SGCZ: variants seen among roughly 807,000 people sequenced by gnomAD.
The protein encoded by SGCZ is zeta-sarcoglycan.
In SGCZ, 40 loss-of-function variants were observed where a neutral mutation model predicts 41.3. The observed-to-expected ratio is 0.97, with a 90% CI of 0.75 to 1.26. SGCZ has a LOEUF of 1.26. SGCZ is among the 50% of genes most tolerant of loss of function. The pLI is 0.00. For missense variants in SGCZ, 552 were observed against 369.8 expected (o/e 1.49, Z -4.04); for synonymous variants, 206 against 137.5 (o/e 1.50, Z -3.49).
intron 7 of SGCZ, among the ~76,000 whole-genome samples, chr8:14,101,376 G>C (rs6530723): frequency 2.0e-5 from 3 of 148,190 alleles, no homozygotes; most frequent in Non-Finnish European, 4.6e-5. Context: ...AAAAGACCAT[G>C]GAAAATTGGG....
intron 2 of SGCZ, among the ~76,000 whole-genome samples, chr8:14,396,928 G>A (rs553054316): frequency 1.3e-5 from 2 of 152,034 alleles, no homozygotes; most frequent in Non-Finnish European, 2.9e-5. Flanking sequence ...TTTAACCAAT[G>A]GAAATGTGCT....
At chr8:14,916,376 T>C (rs2130784475) in intron 1 of SGCZ, among the ~76,000 whole-genome samples, 1 of 152,206 alleles carries the variant, frequency 6.6e-6, no homozygotes, top group East Asian at 1.9e-4. Flanking sequence ...TACAAAGAAA[T>C]ATTTACCACA....
At chr8:14,278,373 G>A (rs546600383) in intron 3 of SGCZ, among the ~76,000 whole-genome samples, 1 of 152,118 alleles carries the variant, frequency 6.6e-6, no homozygotes, top group Non-Finnish European at 1.5e-5. Flanking sequence ...TTAAAACCGT[G>A]TATAGTCACA....
intron 1 of SGCZ, among the ~76,000 whole-genome samples, chr8:14,996,537 G>A (rs758232231): frequency 1.3e-5 from 2 of 152,188 alleles, no homozygotes; most frequent in Non-Finnish European, 2.9e-5. Context: ...AAGTAGCTGG[G>A]AGTACAGGTG....
chr8:14,185,500 A>AT (rs201805936), intron 4 of SGCZ, among the ~76,000 whole-genome samples: 215 of 151,996 alleles, frequency 1.4e-3, no homozygotes, highest in African/African-American at 4.7e-3. Flanking sequence ...CATATACTTT[A>AT]TTTTTTTTCA....
intron 1 of SGCZ, among the ~76,000 whole-genome samples, chr8:15,080,814 G>A (rs370642160): frequency 1.1e-4 from 17 of 151,848 alleles, no homozygotes; most frequent in Non-Finnish European, 2.2e-4. Context: ...GGCTGGTCTC[G>A]ACCTCTTGAT....
chr8:14,479,694 CT>C, intron 2 of SGCZ, among the ~76,000 whole-genome samples: 1 of 143,764 alleles, frequency 7.0e-6, no homozygotes, highest in East Asian at 2.0e-4. Context: ...TAACAACTTT[CT>C]TTACCCCCAG....
At chr8:14,544,669 G>C (rs921934473) in intron 2 of SGCZ, among the ~76,000 whole-genome samples, 3 of 152,078 alleles carry the variant, frequency 2.0e-5, no homozygotes, top group Non-Finnish European at 4.4e-5. Context: ...GCTTACTAGG[G>C]TGGGGAAAAC....
intron 1 of SGCZ, among the ~76,000 whole-genome samples, chr8:15,086,816 G>T (rs1336527270): frequency 6.6e-6 from 1 of 151,886 alleles, no homozygotes; most frequent in Non-Finnish European, 1.5e-5. Flanking sequence ...TTGTCTTTCT[G>T]GAGTAATCTT....
At chr8:14,792,075 G>C (rs1399216312) in intron 1 of SGCZ, among the ~76,000 whole-genome samples, 5 of 152,180 alleles carry the variant, frequency 3.3e-5, no homozygotes, top group Non-Finnish European at 5.9e-5. Context: ...AGGAAACACT[G>C]CATTAAGCCA....
intron 2 of SGCZ, among the ~76,000 whole-genome samples, chr8:14,460,628 T>C (rs1302205558): frequency 1.3e-5 from 2 of 152,094 alleles, no homozygotes; most frequent in Non-Finnish European, 2.9e-5. Context: ...AATCACCAAC[T>C]GAGAAATACC....
chr8:14,116,207 A>C (rs979610735), intron 5 of SGCZ, among the ~76,000 whole-genome samples: 59 of 152,238 alleles, frequency 3.9e-4, no homozygotes, highest in African/African-American at 1.3e-3. Flanking sequence ...TCTGAAAAAC[A>C]AAATATTGTA....
intron 1 of SGCZ, among the ~76,000 whole-genome samples, chr8:15,024,679 G>A (rs964796321): frequency 1.6e-4 from 25 of 152,126 alleles, no homozygotes; most frequent in Admixed American, 5.2e-4. Flanking sequence ...GCTCAAGCCT[G>A]TAATCCCAGC....
chr8:14,941,459 A>T (rs972312134), intron 1 of SGCZ, among the ~76,000 whole-genome samples: 2 of 152,132 alleles, frequency 1.3e-5, no homozygotes, highest in African/African-American at 4.8e-5. Flanking sequence ...AATTAACAGG[A>T]AAATAAATAC....
chr8:14,473,890 A>T (rs1801282934), intron 2 of SGCZ, among the ~76,000 whole-genome samples: 1 of 151,404 alleles, frequency 6.6e-6, no homozygotes, highest in African/African-American at 2.4e-5. Flanking sequence ...GTGAGCCAAG[A>T]TCACACCACT....
At chr8:14,918,387 G>A (rs1208604490) in intron 1 of SGCZ, among the ~76,000 whole-genome samples, 1 of 151,768 alleles carries the variant, frequency 6.6e-6, no homozygotes, top group Non-Finnish European at 1.5e-5. Context: ...ACTTTCTGGG[G>A]TAATTTTCTC....
chr8:15,069,958 A>C (rs1298178279), intron 1 of SGCZ, among the ~76,000 whole-genome samples: 1 of 149,096 alleles, frequency 6.7e-6, no homozygotes, highest in African/African-American at 2.5e-5. Context: ...ACACACACAC[A>C]CAAACCTGCA....
intron 1 of SGCZ, among the ~76,000 whole-genome samples, chr8:15,168,442 G>C (rs1447512188): frequency 6.6e-6 from 1 of 152,172 alleles, no homozygotes; most frequent in Non-Finnish European, 1.5e-5. Flanking sequence ...TTCGAGCAGA[G>C]AATTCCCTAT....
At chr8:14,133,977 T>G (rs1803119155) in intron 5 of SGCZ, among the ~76,000 whole-genome samples, 1 of 152,300 alleles carries the variant, frequency 6.6e-6, no homozygotes, top group South Asian at 2.1e-4. Flanking sequence ...CAATTTTACT[T>G]CCTATTTCAA....
Sources: allele counts gnomAD v4.1 joint callset (sites outside exome capture counted in the v4.1 genomes callset), GRCh38; gene constraint gnomAD v4.1.1; transcripts MANE v1.5; gene names NCBI Gene and HGNC (gene_info 2026-07-23, HGNC 2026-07-21).